The following TOMM70 variants were observed in gnomAD, a reference collection of about 807,000 sequenced individuals.
TOMM70 encodes the protein mitochondrial import receptor subunit TOM70.
A neutral mutation model predicts 73.6 loss-of-function variants in TOMM70; 13 were observed. That is an observed-to-expected ratio of 0.18 (90% confidence interval 0.11 to 0.28). The LOEUF (loss-of-function observed/expected upper bound fraction) is 0.28, where lower values mean the gene tolerates loss of function less well. Ranked by LOEUF, TOMM70 falls within the 10% of genes least tolerant of loss-of-function variation. The probability of loss-of-function intolerance (pLI) is 1.00; values close to 1 mark genes in which losing one functional copy is unlikely to be tolerated. For synonymous variants in TOMM70, 257 were observed against 271.2 expected (o/e 0.95, Z 0.51); for missense variants, 609 against 747.5 (o/e 0.81, Z 2.16).
rs946201322 is a variant in TOMM70, at chr3:100,387,452, G to GC, written c.325-475dup. Reference sequence around the variant, plus strand: ...AGAGATTGGGACTCTGTCTCCGCCTGCCCCCCCAAAAAAGCATGAGAGGTG... The same window carrying GC: ...AGAGATTGGGACTCTGTCTCCGCCTGCCCCCCCCAAAAAAGCATGAGAGGTG... On this transcript the variant is annotated intron_variant, in intron 1 of 11. Transcript: ENST00000284320. Among the ~76,000 whole-genome samples the GC allele has an allele frequency of 2.6e-5, 4 of 151,710 alleles. No individual in the cohort carries two copies. In the East Asian group the frequency reaches 5.8e-4, roughly 22 times the overall value.
intron 4 of TOMM70, among the ~76,000 whole-genome samples, 197 bp from the exon 5 acceptor site, chr3:100,381,960 T>A (rs1178252900): frequency 2.0e-5 from 3 of 152,216 alleles, no homozygotes; most frequent in Non-Finnish European, 4.4e-5. Flanking sequence ...AAGCTGGTTT[T>A]AAATGAGAGC....
At chr3:100,374,165 AT>A (rs1706539142) in intron 7 of TOMM70, among the ~76,000 whole-genome samples, 1 of 152,222 alleles carries the variant, frequency 6.6e-6, no homozygotes. Flanking sequence ...TACCTTTTCT[AT>A]GTTTAGATAT....
At chr3:100,391,295 A>G (rs1218856866) in intron 1 of TOMM70, among the ~76,000 whole-genome samples, 2 of 152,184 alleles carry the variant, frequency 1.3e-5, no homozygotes, top group Non-Finnish European at 2.9e-5. Flanking sequence ...TAACTATAAA[A>G]TAGCCTCAAG....
At chr3:100,394,781 G>T (rs967925982) in intron 1 of TOMM70, among the ~76,000 whole-genome samples, 1 of 152,182 alleles carries the variant, frequency 6.6e-6, no homozygotes, top group African/African-American at 2.4e-5. Flanking sequence ...GGGATTACAG[G>T]TGTGAGCCAC....
chr3:100,382,971 T>C (rs1330907368), intron 4 of TOMM70, among the ~76,000 whole-genome samples: 1 of 152,152 alleles, frequency 6.6e-6, no homozygotes, highest in Non-Finnish European at 1.5e-5. Context: ...AATAATAATA[T>C]GGAAGGTATT....
At chr3:100,366,164 C>G (rs1309822166) in intron 11 of TOMM70, among the ~76,000 whole-genome samples, 3 of 152,132 alleles carry the variant, frequency 2.0e-5, no homozygotes, top group Admixed American at 2.0e-4. Context: ...AGGGCCTTAC[C>G]TTCACAGACT....
At chr3:100,388,164 A>G (rs1166573159) in intron 1 of TOMM70, among the ~76,000 whole-genome samples, 1 of 152,252 alleles carries the variant, frequency 6.6e-6, no homozygotes, top group Non-Finnish European at 1.5e-5. Context: ...TCAAGGATAC[A>G]TATGTTTCAG....
intron 6 of TOMM70, among the ~76,000 whole-genome samples, chr3:100,377,150 T>C (rs1428621387): frequency 1.3e-5 from 2 of 152,218 alleles, no homozygotes; most frequent in Non-Finnish European, 2.9e-5. Context: ...TTAAATTGTT[T>C]TGTTACACTG....
chr3:100,376,365 A>T (rs961724456), intron 6 of TOMM70, among the ~76,000 whole-genome samples: 3 of 112,886 alleles, frequency 2.7e-5, no homozygotes, highest in Non-Finnish European at 4.9e-5. Context: ...CTTTTCACAC[A>T]GAAGTTTTTT....
At chr3:100,392,786 A>G (rs1299313064) in intron 1 of TOMM70, among the ~76,000 whole-genome samples, 1 of 152,208 alleles carries the variant, frequency 6.6e-6, no homozygotes, top group Non-Finnish European at 1.5e-5. Flanking sequence ...TGATTCAGCA[A>G]TTCTACTACT....
intron 1 of TOMM70, among the ~76,000 whole-genome samples, chr3:100,396,657 T>G (rs1452086204): frequency 6.6e-6 from 1 of 152,080 alleles, no homozygotes; most frequent in Non-Finnish European, 1.5e-5. Context: ...AATTTAAAAT[T>G]TTTTTTTAAT....
intron 10 of TOMM70, 72 bp from the exon 11 acceptor site, chr3:100,368,238 C>T (rs1334869107): frequency 2.0e-6 from 3 of 1,496,338 alleles, no homozygotes; most frequent in Non-Finnish European, 2.7e-6. Flanking sequence ...ATTAATATGA[C>T]TCAATTTCTG....
chr3:100,380,753 G>A (rs1252752054), intron 5 of TOMM70, among the ~76,000 whole-genome samples: 1 of 152,156 alleles, frequency 6.6e-6, no homozygotes, highest in Non-Finnish European at 1.5e-5. Context: ...CTCAAAGATT[G>A]TGTATCAATG....
chr3:100,365,297 C>A lies in TOMM70; in HGVS notation c.*267G>T. ...AGTTTTTATTTGCATGGCCAATTAT[C>A]ATTTGTACTCTTTGCAACTTTATTT... is the stretch of plus-strand genomic sequence containing the variant. On this transcript the variant is annotated 3_prime_UTR_variant, in exon 12 of 12. Transcript: ENST00000284320. 2.7e-6 allele frequency: 1 copy of A among 366,182 alleles called. No homozygotes were observed. The highest frequency in any genetic ancestry group is 4.9e-6 in the Non-Finnish European group (1 of 204,300). 22.7% of individuals were successfully genotyped at this position (366,182 alleles called of 1,614,324 possible). A position where few individuals can be genotyped will look rare whatever the true frequency, so the allele number is the denominator to read the frequency against.
At chr3:100,377,486 GA>G (rs144101334) in intron 6 of TOMM70, 99 of 507,060 alleles carry the variant, frequency 2.0e-4, no homozygotes, top group East Asian at 4.2e-4. Flanking sequence ...GATGCTATAG[GA>G]AAAAAAAATT....
chr3:100,366,650 A>G (rs1706449832), intron 11 of TOMM70, among the ~76,000 whole-genome samples: 1 of 152,270 alleles, frequency 6.6e-6, no homozygotes, highest in African/African-American at 2.4e-5. Flanking sequence ...ATCCTAGGAT[A>G]ATCTGCAATT....
chr3:100,385,261 G>A (rs1026126338), intron 3 of TOMM70, among the ~76,000 whole-genome samples: 2 of 152,056 alleles, frequency 1.3e-5, no homozygotes, highest in African/African-American at 2.4e-5. Context: ...TTTCTTCTAC[G>A]TGACACTTCG....
At chr3:100,375,232 C>A in intron 6 of TOMM70, 80 bp from the exon 7 acceptor site, 1 of 1,444,874 alleles carries the variant, frequency 6.9e-7, no homozygotes, top group Non-Finnish European at 9.1e-7. Flanking sequence ...CAGCTTTTTT[C>A]TATAATCCAC....
At chr3:100,393,970 C>T (rs1319122379) in intron 1 of TOMM70, among the ~76,000 whole-genome samples, 1 of 152,192 alleles carries the variant, frequency 6.6e-6, no homozygotes, top group Non-Finnish European at 1.5e-5. Flanking sequence ...AGTCCTGCAA[C>T]ACGATTACAT....
Sources: allele counts gnomAD v4.1 joint callset (sites outside exome capture counted in the v4.1 genomes callset), GRCh38; gene constraint gnomAD v4.1.1; transcripts MANE v1.5; gene names NCBI Gene and HGNC (gene_info 2026-07-23, HGNC 2026-07-21).